Variants in KCNIP4 observed in about 807,000 individuals in gnomAD.
The protein encoded by KCNIP4 is Kv channel-interacting protein 4.
A neutral mutation model predicts 34.0 loss-of-function variants in KCNIP4; 12 were observed. The ratio of observed to expected loss-of-function variants is 0.35; its 90% CI spans 0.23 to 0.57. The LOEUF is 0.57. Among genes scored for constraint, KCNIP4 ranks in the 20% least tolerant of loss-of-function variants. KCNIP4 has a pLI of 0.83. For synonymous variants in KCNIP4, 124 were observed against 102.2 expected, an observed-to-expected ratio of 1.21 and a Z score of -1.29; for missense variants, 238 against 311.7, an observed-to-expected ratio of 0.76 and a Z score of 1.78.
At chr4:21,102,241 A>G (rs1218587023) in intron 1 of KCNIP4, among the ~76,000 whole-genome samples, 1 of 152,230 alleles carries the variant, frequency 6.6e-6, no homozygotes, top group African/African-American at 2.4e-5. Context: ...TTGCTGATAC[A>G]GAGATTCAAA....
intron 1 of KCNIP4, among the ~76,000 whole-genome samples, chr4:21,628,418 G>A (rs943521102): frequency 1.3e-5 from 2 of 152,154 alleles, no homozygotes; most frequent in South Asian, 4.2e-4. Flanking sequence ...CTCAAGGTGT[G>A]TAAGTCCTAG....
chr4:21,381,845 C>G (rs1440913640), intron 1 of KCNIP4, among the ~76,000 whole-genome samples: 1 of 152,122 alleles, frequency 6.6e-6, no homozygotes, highest in African/African-American at 2.4e-5. Context: ...GTGAGACGCC[C>G]TGGAGATACA....
intron 3 of KCNIP4, among the ~76,000 whole-genome samples, chr4:20,841,316 T>A (rs1719689618): frequency 6.6e-6 from 1 of 152,156 alleles, no homozygotes; most frequent in Admixed American, 6.6e-5. Flanking sequence ...GGGCTGAGAA[T>A]TTTGTAGTAA....
At chr4:21,331,307 ATT>A (rs1176715829) in intron 1 of KCNIP4, among the ~76,000 whole-genome samples, 2 of 151,952 alleles carry the variant, frequency 1.3e-5, no homozygotes, top group Non-Finnish European at 1.5e-5. Flanking sequence ...TTTAAAATTT[ATT>A]TTGTGTCTTC....
chr4:21,644,194 G>A (rs1330903878), intron 1 of KCNIP4, among the ~76,000 whole-genome samples: 1 of 152,030 alleles, frequency 6.6e-6, no homozygotes. Context: ...GAGATCCAGA[G>A]TCAGTTTGGA....
intron 1 of KCNIP4, among the ~76,000 whole-genome samples, chr4:21,674,083 G>A (rs974771449): frequency 6.6e-6 from 1 of 152,224 alleles, no homozygotes; most frequent in Non-Finnish European, 1.5e-5. Context: ...CTTTAAAAAT[G>A]TTAAAAACAG....
At chr4:20,938,784 T>C (rs1731342042) in intron 1 of KCNIP4, among the ~76,000 whole-genome samples, 1 of 152,342 alleles carries the variant, frequency 6.6e-6, no homozygotes, top group Middle Eastern at 3.4e-3. Context: ...CTATTGCTTA[T>C]TTTTACTGAC....
intron 1 of KCNIP4, among the ~76,000 whole-genome samples, chr4:21,891,978 TG>T (rs1384280920): frequency 1.3e-5 from 2 of 152,072 alleles, no homozygotes; most frequent in South Asian, 2.1e-4. Flanking sequence ...AGGGAAAGGC[TG>T]GGGGTGATTT....
chr4:21,632,309 G>A lies in KCNIP4; in HGVS notation c.61+316262C>T, dbSNP rs375188722. Among the ~76,000 whole-genome samples, 10 of 152,150 alleles carry A rather than the reference G, an allele frequency of 6.6e-5. No homozygotes were observed. In the East Asian group the frequency reaches 1.7e-3, roughly 26 times the overall value. On this transcript the variant is annotated intron_variant, in intron 1 of 8. Coordinates refer to ENST00000382152, the MANE Select transcript of KCNIP4 (RefSeq NM_025221.6). ...GCTCACTGCAACCTCTGCCTCCCGG[G>A]TTCAAGGGATCCTCCTTCCTCAGCC...
intron 1 of KCNIP4, among the ~76,000 whole-genome samples, chr4:21,245,936 C>T (rs532420487): frequency 2.6e-5 from 4 of 152,258 alleles, no homozygotes; most frequent in South Asian, 2.1e-4. Context: ...AGAGATTTTG[C>T]AAATACCCGG....
chr4:20,760,759 G>A (rs575032720), intron 3 of KCNIP4, among the ~76,000 whole-genome samples: 21 of 152,192 alleles, frequency 1.4e-4, no homozygotes, highest in Middle Eastern at 3.4e-3. Context: ...ACAAGGTTTC[G>A]TATTAGATGA....
At chr4:21,370,884 T>TACACACACACACACACAC (rs1360484906) in intron 1 of KCNIP4, among the ~76,000 whole-genome samples, 1 of 83,114 alleles carries the variant, frequency 1.2e-5, no homozygotes, top group Non-Finnish European at 2.3e-5. Context: ...CACACACACG[T>TACACACACACACACACAC]GTGTGTGTGT....
intron 1 of KCNIP4, among the ~76,000 whole-genome samples, chr4:21,652,395 C>T (rs1008156404): frequency 3.3e-5 from 5 of 152,126 alleles, no homozygotes; most frequent in African/African-American, 1.2e-4. Flanking sequence ...ATACCTCAGG[C>T]CTTCCTGTCT....
chr4:21,428,036 AT>A (rs553343365), intron 1 of KCNIP4, among the ~76,000 whole-genome samples: 6 of 152,112 alleles, frequency 3.9e-5, no homozygotes, highest in Middle Eastern at 3.4e-3. Context: ...AGGAGAGAGT[AT>A]TTTTTTTATT....
chr4:21,612,726 A>G lies in KCNIP4; in HGVS notation c.61+335845T>C, dbSNP rs140716155. ...ACGCAAAATCAAAGCTGATTAATTC[A>G]GCAAAATCTTCAATAATACTGTCAC... On this transcript the variant is annotated intron_variant, in intron 1 of 8. Transcript: ENST00000382152. 3.3e-3 allele frequency among the ~76,000 whole-genome samples: 503 copies of G among 152,328 alleles called. 3 individuals carry two copies. The highest frequency in any genetic ancestry group is 0.012 in the African/African-American group (479 of 41,582).
chr4:21,765,126 G>C (rs1718321065), intron 1 of KCNIP4, among the ~76,000 whole-genome samples: 1 of 150,826 alleles, frequency 6.6e-6, no homozygotes, highest in South Asian at 2.1e-4. Flanking sequence ...AAGTGCAATG[G>C]CTTTTTGTCA....
intron 1 of KCNIP4, among the ~76,000 whole-genome samples, chr4:21,095,363 T>C (rs1747368035): frequency 6.6e-6 from 1 of 152,238 alleles, no homozygotes; most frequent in African/African-American, 2.4e-5. Context: ...ATGTGTATAC[T>C]ACTTTCCTTC....
In KCNIP4 at chr4:21,884,956, C is replaced by CA. The variant is rs571962348; in HGVS notation, c.61+63614_61+63615insT. ...CCAACAAAAGTACAGTAGCCTCCCC[C>CA]CCACTACTGTTATTTTCAAACTTGA... is the stretch of plus-strand genomic sequence containing the variant. On this transcript the variant is annotated intron_variant, in intron 1 of 8. Coordinates refer to ENST00000382152, the MANE Select transcript of KCNIP4 (RefSeq NM_025221.6). Among the ~76,000 whole-genome samples, 445 of 151,974 alleles carry CA rather than the reference C, an allele frequency of 2.9e-3. 3 individuals carry two copies. Among genetic ancestry groups the CA allele is most frequent in the South Asian group, 0.017 (82 of 4,802 alleles).
At chr4:21,020,242 T>G (rs1739919196) in intron 1 of KCNIP4, among the ~76,000 whole-genome samples, 1 of 152,180 alleles carries the variant, frequency 6.6e-6, no homozygotes, top group Non-Finnish European at 1.5e-5. Context: ...TTTTCTACCA[T>G]ATTATCTAAA....
Sources: allele counts gnomAD v4.1 joint callset (sites outside exome capture counted in the v4.1 genomes callset), GRCh38; gene constraint gnomAD v4.1.1; transcripts MANE v1.5; gene names NCBI Gene and HGNC (gene_info 2026-07-23, HGNC 2026-07-21).